The following ZC3H18 variants were observed in gnomAD, a reference collection of about 807,000 sequenced individuals.
The protein encoded by ZC3H18 is zinc finger CCCH domain-containing protein 18.
A neutral mutation model predicts 106.1 loss-of-function variants in ZC3H18; 8 were observed. The observed-to-expected ratio is 0.08, with a 90% confidence interval of 0.04 to 0.14. ZC3H18 has a LOEUF of 0.14. Among genes scored for constraint, ZC3H18 ranks in the 10% least tolerant of loss-of-function variants. The pLI is 1.00. For missense variants in ZC3H18, 1,318 were observed against 1,278.4 expected (o/e 1.03, Z -0.47); for synonymous variants, 635 against 522.1 (o/e 1.22, Z -2.95).
At chr16:88,628,964 G>C in intron 16 of ZC3H18, 110 bp downstream of exon 16, 2 of 1,076,084 alleles carry the variant, frequency 1.9e-6, no homozygotes, top group South Asian at 2.8e-5. Flanking sequence ...AGGGTCCAGA[G>C]AACATCTGAC....
chr16:88,601,958 G>C (rs1457617532), intron 6 of ZC3H18, among the ~76,000 whole-genome samples: 1 of 152,184 alleles, frequency 6.6e-6, no homozygotes. Flanking sequence ...TTGTCACAAA[G>C]AGCATCTAAG....
intron 1 of ZC3H18, among the ~76,000 whole-genome samples, chr16:88,574,626 C>A (rs1036343698): frequency 6.6e-6 from 1 of 151,108 alleles, no homozygotes; most frequent in South Asian, 2.1e-4. Context: ...TCTCAGCCTC[C>A]CAAGTAGCTG....
chr16:88,594,330 A>C (rs969205296), intron 3 of ZC3H18, among the ~76,000 whole-genome samples: 4 of 152,216 alleles, frequency 2.6e-5, no homozygotes, highest in Non-Finnish European at 1.5e-5. Context: ...CTTAATTTCT[A>C]ATATCGTACG....
chr16:88,583,202 TGTAA>T (rs1424059355), intron 2 of ZC3H18, among the ~76,000 whole-genome samples: 1 of 152,252 alleles, frequency 6.6e-6, no homozygotes, highest in Non-Finnish European at 1.5e-5. Context: ...TTTCTTGTTG[TGTAA>T]GTAATACATG....
chr16:88,571,250 C>T (rs1409829571), intron 1 of ZC3H18, among the ~76,000 whole-genome samples: 2 of 152,144 alleles, frequency 1.3e-5, no homozygotes, highest in Non-Finnish European at 2.9e-5. Flanking sequence ...GTAGAGTGGC[C>T]GTTTTAAATG....
intron 8 of ZC3H18, among the ~76,000 whole-genome samples, chr16:88,617,479 C>T (rs544867319): frequency 2.0e-5 from 3 of 152,166 alleles, no homozygotes; most frequent in African/African-American, 7.2e-5. Context: ...ATAGCTAGGC[C>T]GATGGGTGTG....
intron 1 of ZC3H18, among the ~76,000 whole-genome samples, chr16:88,571,313 C>T (rs1048583232): frequency 2.8e-4 from 42 of 152,134 alleles, no homozygotes; most frequent in Admixed American, 1.3e-4. Context: ...ATTCTTCAGA[C>T]CCATTTGGGA....
At chr16:88,575,706 C>T (rs1479588984) in intron 1 of ZC3H18, among the ~76,000 whole-genome samples, 1 of 151,928 alleles carries the variant, frequency 6.6e-6, no homozygotes, top group Non-Finnish European at 1.5e-5. Flanking sequence ...GTGACCCCGT[C>T]TTTTTTTGTT....
rs1181463935 is a variant in ZC3H18, at chr16:88,598,641, A to G, written c.859A>G (p.Ile287Val). ...NPWGGPVVDE[I>V]LPPPPPEPPT... is the part of the protein sequence containing the mutation. The stretch of plus-strand genomic sequence containing the variant: ...ATAGGGTGGGCCGGTAGTTGATGAA[A>G]TTTTGCCTCCACCCCCTCCAGAGCC... Residue 287 changes from isoleucine to valine, a missense_variant, in exon 5 of 18, where the codon ATT (isoleucine) becomes GTT (valine). Coordinates refer to ENST00000301011, the MANE Select transcript of ZC3H18 (RefSeq NM_144604.4). 4.3e-6 allele frequency: 7 copies of G among 1,612,072 alleles called. No homozygotes were observed. In the South Asian group the frequency reaches 5.5e-5, roughly 13 times the overall value.
chr16:88,630,750 C>CT (rs1952861978), intron 17 of ZC3H18, among the ~76,000 whole-genome samples, 169 bp downstream of exon 17: 1 of 77,666 alleles, frequency 1.3e-5, no homozygotes, highest in Admixed American at 1.1e-4. Context: ...TGCAGCCCCA[C>CT]CCCCCACCCC....
intron 8 of ZC3H18, among the ~76,000 whole-genome samples, chr16:88,612,038 GCTGTTTTT>G (rs1242826370): frequency 6.6e-6 from 1 of 152,052 alleles, no homozygotes; most frequent in Admixed American, 6.5e-5. Context: ...CGGGCGGGCT[GCTGTTTTT>G]CCTTTGCGGA....
intron 3 of ZC3H18, among the ~76,000 whole-genome samples, chr16:88,587,827 A>C (rs1597328021): frequency 6.6e-6 from 1 of 152,170 alleles, no homozygotes; most frequent in African/African-American, 2.4e-5. Context: ...GGTGTGGCGG[A>C]GTCCCATCAT....
At chr16:88,598,564 C>T in intron 4 of ZC3H18, 56 bp from the exon 5 acceptor site, 1 of 1,541,162 alleles carries the variant, frequency 6.5e-7, no homozygotes. Flanking sequence ...TGTCTGGTTT[C>T]TCTGTACACT....
In ZC3H18 at chr16:88,598,688, A is replaced by G. The variant is rs772006713; in HGVS notation, c.906A>G (p.Glu302=). 1.8e-5 allele frequency: 29 copies of G among 1,612,744 alleles called. 2 individuals carry two copies. The South Asian group carries it at 3.0e-4, about 17-fold the overall frequency. The part of the protein sequence containing the change: ...PPEPPTESAW[E]RGLRHAKEVL... ...AGCCCCCAACAGAGAGTGCCTGGGA[A>G]CGAGGACTCCGGCATGCAAAGGAGG... is the stretch of plus-strand genomic sequence containing the variant. The change falls in exon 5 of 18, where the codon GAA becomes GAG. Residue 302 remains glutamate (E), a synonymous_variant. Transcript: ENST00000301011.
intron 3 of ZC3H18, chr16:88,587,725 G>C: frequency 9.5e-7 from 1 of 1,053,762 alleles, no homozygotes; most frequent in Non-Finnish European, 1.4e-6. Context: ...GAAGGAAAGG[G>C]GGTCTTTGAG....
chr16:88,578,721 C>A (rs779019659), intron 2 of ZC3H18, among the ~76,000 whole-genome samples: 17 of 152,048 alleles, frequency 1.1e-4, no homozygotes, highest in Admixed American at 2.6e-4. Context: ...GAGAGAGAGT[C>A]TACCCTGTAA....
intron 8 of ZC3H18, among the ~76,000 whole-genome samples, chr16:88,618,089 G>A (rs1048003315): frequency 6.6e-6 from 1 of 152,246 alleles, no homozygotes; most frequent in Admixed American, 6.5e-5. Flanking sequence ...TCTGCTCTGC[G>A]CTGAGACTGG....
rs984986652 is a variant in ZC3H18, at chr16:88,582,477, T to C, written c.604-4123T>C. ...GACCTCGTGATCCACCCGCCTTTTA[T>C]GTCTGGATCCATGAGCTCTTCTGCA... On this transcript the variant is annotated intron_variant, in intron 2 of 17. Coordinates refer to ENST00000301011, the MANE Select transcript of ZC3H18 (RefSeq NM_144604.4). Among the ~76,000 whole-genome samples, 3 of 152,164 alleles carry C rather than the reference T, an allele frequency of 2.0e-5. No individual in the cohort carries two copies. In the South Asian group the frequency reaches 6.2e-4, roughly 32 times the overall value.
At chr16:88,622,679 G>A in intron 9 of ZC3H18, 1 of 411,730 alleles carries the variant, frequency 2.4e-6, no homozygotes, top group East Asian at 4.7e-5. Flanking sequence ...CCTGGATGCG[G>A]GAGGACGCAC....
Sources: gnomAD v4.1 joint callset for allele counts (sites outside exome capture counted in the v4.1 genomes callset) on GRCh38, gnomAD v4.1.1 for gene constraint, MANE v1.5 for transcripts, NCBI Gene and HGNC (gene_info 2026-07-23, HGNC 2026-07-21) for gene names.